The following ARAP2 variants were observed in gnomAD, a reference collection of about 807,000 sequenced individuals.
The protein encoded by ARAP2 is arf-GAP with Rho-GAP domain, ANK repeat and PH domain-containing protein 2.
Under a neutral mutation model 194.5 loss-of-function variants are expected in ARAP2, and 148 were observed. The ratio of observed to expected loss-of-function variants is 0.76; its 90% CI spans 0.67 to 0.87. The LOEUF (loss-of-function observed/expected upper bound fraction) is 0.87, where lower values mean the gene tolerates loss of function less well. ARAP2 is among the 40% of genes least tolerant of loss of function. The pLI is 0.00. For synonymous variants in ARAP2, 695 were observed against 683.5 expected (o/e 1.02, Z -0.26); for missense variants, 2,128 against 1,989.7 (o/e 1.07, Z -1.32).
At chr4:36,223,607 A>C (rs1749627014) in intron 2 of ARAP2, among the ~76,000 whole-genome samples, 1 of 152,106 alleles carries the variant, frequency 6.6e-6, no homozygotes, top group Admixed American at 6.6e-5. Flanking sequence ...CTAACCCCCA[A>C]CGTGGCGACT....
chr4:36,067,713 C>A lies in ARAP2; in HGVS notation c.*194G>T. 1 of 561,726 alleles carries A rather than the reference C, an allele frequency of 1.8e-6. No individual in the cohort carries two copies. The highest frequency in any genetic ancestry group is 3.1e-5 in the South Asian group (1 of 32,446). The allele number at this position is 561,726 out of a possible 1,614,324, so 34.8% of individuals were successfully genotyped here. On this transcript the variant is annotated 3_prime_UTR_variant, in exon 33 of 33. Transcript: ENST00000303965. ...GGAACTTTACAAGGTTTGTTCAGAC[C>A]AAAATAAAGTTAATCTTACATTCAG...
chr4:36,111,340 C>T (rs895961241), intron 26 of ARAP2, among the ~76,000 whole-genome samples: 1 of 151,868 alleles, frequency 6.6e-6, no homozygotes, highest in Non-Finnish European at 1.5e-5. Flanking sequence ...ACATGTGGTA[C>T]ACACATGTTC....
chr4:36,151,591 T>A (rs1199310201), intron 15 of ARAP2, among the ~76,000 whole-genome samples: 1 of 152,158 alleles, frequency 6.6e-6, no homozygotes, highest in East Asian at 1.9e-4. Flanking sequence ...ATATTAGATA[T>A]AATGGATAAA....
At chr4:36,073,610 A>C in intron 32 of ARAP2, 79 bp downstream of exon 32, 1 of 1,473,784 alleles carries the variant, frequency 6.8e-7, no homozygotes, top group Non-Finnish European at 9.2e-7. Flanking sequence ...CCAATGAAGT[A>C]ATTAATGACC....
At chr4:36,242,323 A>G (rs917772651) in intron 1 of ARAP2, among the ~76,000 whole-genome samples, 2 of 152,242 alleles carry the variant, frequency 1.3e-5, no homozygotes, top group Non-Finnish European at 2.9e-5. Context: ...GTATCAATAA[A>G]TAAATGAGGA....
intron 32 of ARAP2, among the ~76,000 whole-genome samples, chr4:36,070,526 G>A (rs1726594040): frequency 4.6e-5 from 7 of 152,310 alleles, no homozygotes; most frequent in Admixed American, 3.9e-4. Flanking sequence ...CTCTCCCAGT[G>A]GCAGACAGAG....
intron 6 of ARAP2, among the ~76,000 whole-genome samples, chr4:36,206,622 G>C (rs1261413025): frequency 5.3e-5 from 8 of 152,208 alleles, no homozygotes; most frequent in Admixed American, 5.2e-4. Flanking sequence ...GGTAACCTCA[G>C]GACTCTGTAT....
intron 5 of ARAP2, among the ~76,000 whole-genome samples, chr4:36,042,397 T>C (rs540484376): frequency 3.9e-5 from 6 of 152,314 alleles, no homozygotes; most frequent in Admixed American, 6.5e-5. Flanking sequence ...GGAAAGATCA[T>C]TAAAATTTTA....
chr4:36,077,872 G>A (rs1017309133), intron 31 of ARAP2, among the ~76,000 whole-genome samples: 1 of 152,034 alleles, frequency 6.6e-6, no homozygotes, highest in Non-Finnish European at 1.5e-5. Context: ...GACATACCCT[G>A]CTGGCCCCAT....
chr4:36,197,701 A>G (rs1226481188), intron 6 of ARAP2, among the ~76,000 whole-genome samples: 1 of 152,236 alleles, frequency 6.6e-6, no homozygotes, highest in Non-Finnish European at 1.5e-5. Flanking sequence ...CATGGGGTCC[A>G]GCCACTGCAC....
At chr4:36,166,428 A>T (rs911373292) in intron 10 of ARAP2, among the ~76,000 whole-genome samples, 3 of 152,018 alleles carry the variant, frequency 2.0e-5, no homozygotes, top group African/African-American at 4.8e-5. Context: ...TGAGATATAT[A>T]AAAAAATGCT....
intron 3 of ARAP2, among the ~76,000 whole-genome samples, chr4:36,049,736 A>T (rs1388397381): frequency 1.3e-5 from 2 of 152,188 alleles, no homozygotes; most frequent in Admixed American, 1.3e-4. Context: ...GAAAACTAAA[A>T]GGAAAAGAAA....
At chr4:36,100,482 A>G (rs1716565231) in intron 27 of ARAP2, among the ~76,000 whole-genome samples, 1 of 151,816 alleles carries the variant, frequency 6.6e-6, no homozygotes, top group Non-Finnish European at 1.5e-5. Flanking sequence ...CATGAGAAGC[A>G]ACTCCCTTGA....
chr4:36,128,753 T>A lies in ARAP2; in HGVS notation c.3428-8A>T. Reference sequence around the variant, plus strand: ...TATATTTGCATCCTAAACCTTTGTTTAAAAAAAAAAAGTTATACTTTAAAA... The same window carrying A: ...TATATTTGCATCCTAAACCTTTGTTAAAAAAAAAAAAGTTATACTTTAAAA... On this transcript the variant is annotated splice_region_variant and splice_polypyrimidine_tract_variant and intron_variant, in intron 20 of 32. Coordinates refer to ENST00000303965, the MANE Select transcript of ARAP2 (RefSeq NM_015230.4). 1 of 1,409,666 alleles carries A rather than the reference T, an allele frequency of 7.1e-7. No homozygotes were observed. Among genetic ancestry groups the A allele is most frequent in the Admixed American group, 2.1e-5 (1 of 48,010 alleles). The allele number at this position is 1,409,666 out of a possible 1,614,324, so 87.3% of individuals were successfully genotyped here.
intron 8 of ARAP2, among the ~76,000 whole-genome samples, chr4:36,183,925 T>C (rs1227609455): frequency 6.6e-6 from 1 of 152,190 alleles, no homozygotes; most frequent in Non-Finnish European, 1.5e-5. Context: ...ATATAGATCA[T>C]TCAAAGCCTT....
intron 21 of ARAP2, among the ~76,000 whole-genome samples, chr4:36,127,581 A>G (rs1001191656): frequency 1.3e-5 from 2 of 151,996 alleles, no homozygotes; most frequent in African/African-American, 4.8e-5. Flanking sequence ...TTACTTCTCA[A>G]TAGAGGAATG....
intron 6 of ARAP2, among the ~76,000 whole-genome samples, chr4:36,195,221 C>T (rs1742820140): frequency 6.6e-6 from 1 of 152,148 alleles, no homozygotes; most frequent in African/African-American, 2.4e-5. Context: ...GCCCTCTTTC[C>T]ATCTTATTTT....
downstream of ARAP2, chr4:36,065,423 G>A (rs902441570): frequency 6.1e-6 from 3 of 491,888 alleles, no homozygotes; most frequent in Admixed American, 6.2e-5. Context: ...AAAGAGCTCT[G>A]CATGCCACCA....
chr4:36,172,304 T>G (rs1045744092), intron 9 of ARAP2, among the ~76,000 whole-genome samples: 1 of 152,186 alleles, frequency 6.6e-6, no homozygotes, highest in Non-Finnish European at 1.5e-5. Context: ...GGCAAGTTAT[T>G]TAGTTTATGT....
Sources: allele counts gnomAD v4.1 joint callset (sites outside exome capture counted in the v4.1 genomes callset), GRCh38; gene constraint gnomAD v4.1.1; transcripts MANE v1.5; gene names NCBI Gene and HGNC (gene_info 2026-07-23, HGNC 2026-07-21).